NYAP2: variants seen among roughly 807,000 people sequenced by gnomAD.
The protein encoded by NYAP2 is neuronal tyrosine-phosphorylated phosphoinositide-3-kinase adapter 2.
NYAP2 carries 23 observed loss-of-function variants against 50.4 expected under a neutral mutation model. That is an observed-to-expected ratio of 0.46 (90% CI 0.33 to 0.65). The LOEUF (loss-of-function observed/expected upper bound fraction) is 0.65, where lower values mean the gene tolerates loss of function less well. Ranked by LOEUF, NYAP2 falls within the 30% of genes least tolerant of loss-of-function variation. The probability of loss-of-function intolerance (pLI) is 0.02; values close to 1 mark genes in which losing one functional copy is unlikely to be tolerated. For missense variants in NYAP2, 885 were observed against 861.0 expected, an observed-to-expected ratio of 1.03 and a Z score of -0.35; for synonymous variants, 394 against 365.2, an observed-to-expected ratio of 1.08 and a Z score of -0.90.
intron 3 of NYAP2, among the ~76,000 whole-genome samples, chr2:225,416,684 C>T (rs2106124096): frequency 6.6e-6 from 1 of 152,256 alleles, no homozygotes; most frequent in South Asian, 2.1e-4. Flanking sequence ...TTCTCACGTA[C>T]CTTTCAAGAG....
At chr2:225,513,598 A>T in exon 4 of NYAP2, 1 of 1,582,516 alleles carries the variant, frequency 6.3e-7, no homozygotes, top group African/African-American at 1.3e-5. Context: ...CCCAGCACCA[A>T]GCTGAGCACC....
At chr2:225,690,554 A>C in the NYAP2 span, among the ~76,000 whole-genome samples, 1 of 152,086 alleles carries the variant, frequency 6.6e-6, no homozygotes, top group African/African-American at 2.4e-5. Flanking sequence ...GTAACACATC[A>C]CAGGCAACTA....
chr2:225,640,259 T>C (rs761192656), intron 6 of NYAP2, among the ~76,000 whole-genome samples: 10 of 152,302 alleles, frequency 6.6e-5, no homozygotes, highest in South Asian at 6.2e-4. Flanking sequence ...CTATACCTAA[T>C]TGAGAGGTGT....
At chr2:225,552,791 A>C (rs1190165484) in intron 4 of NYAP2, among the ~76,000 whole-genome samples, 1 of 152,176 alleles carries the variant, frequency 6.6e-6, no homozygotes, top group African/African-American at 2.4e-5. Context: ...TGCAGATTCA[A>C]GTGATTCTTC....
At chr2:225,691,389 C>T in the NYAP2 span, among the ~76,000 whole-genome samples, 27 of 152,080 alleles carry the variant, frequency 1.8e-4, no homozygotes, top group Non-Finnish European at 3.1e-4. Flanking sequence ...ATGAAATACA[C>T]TTCATTTTAG....
At chr2:225,595,407 C>T (rs1692579011) in intron 5 of NYAP2, among the ~76,000 whole-genome samples, 1 of 152,176 alleles carries the variant, frequency 6.6e-6, no homozygotes. Context: ...ACAGAATGAT[C>T]AGAGCTGAAA....
intron 5 of NYAP2, among the ~76,000 whole-genome samples, chr2:225,591,919 T>G (rs1034383118): frequency 6.6e-6 from 1 of 152,140 alleles, no homozygotes; most frequent in Non-Finnish European, 1.5e-5. Flanking sequence ...GGGAAATCTT[T>G]TGGGCACCCT....
intron 3 of NYAP2, among the ~76,000 whole-genome samples, chr2:225,469,652 A>G (rs4674994): frequency 0.45 from 68,499 of 152,176 alleles, 19,582 homozygotes; most frequent in African/African-American, 0.81. Flanking sequence ...CATATACACC[A>G]TGGAATACTA....
chr2:225,678,671 G>A, the NYAP2 span, among the ~76,000 whole-genome samples: 2 of 152,036 alleles, frequency 1.3e-5, no homozygotes, highest in Non-Finnish European at 1.5e-5. Context: ...TTTCTTGGAC[G>A]TTACATATAC....
intron 3 of NYAP2, among the ~76,000 whole-genome samples, chr2:225,504,735 C>T (rs1441710644): frequency 6.6e-6 from 1 of 152,016 alleles, no homozygotes; most frequent in African/African-American, 2.4e-5. Flanking sequence ...TTAGGCCAGG[C>T]ACGGTGGCTC....
chr2:225,417,696 A>C (rs554425358), intron 3 of NYAP2, among the ~76,000 whole-genome samples: 55 of 152,312 alleles, frequency 3.6e-4, no homozygotes, highest in African/African-American at 1.3e-3. Flanking sequence ...TGAATAAAAA[A>C]TGAAGTGGTT....
chr2:225,399,966 C>A (rs935696373), exon 1 of NYAP2: 3 of 152,066 alleles, frequency 2.0e-5, no homozygotes, highest in African/African-American at 7.2e-5. Flanking sequence ...TCTTTACCCT[C>A]TTTTCCTTTT....
chr2:225,649,011 T>C (rs914885618), intron 6 of NYAP2, among the ~76,000 whole-genome samples: 2 of 152,162 alleles, frequency 1.3e-5, no homozygotes, highest in Non-Finnish European at 2.9e-5. Flanking sequence ...AGAGTCATTT[T>C]CCAGAAAGAG....
At chr2:225,675,084 A>AT in the NYAP2 span, among the ~76,000 whole-genome samples, 5,269 of 152,156 alleles carry the variant, frequency 0.035, 126 homozygotes, top group Middle Eastern at 0.048. Flanking sequence ...CATATTAGTG[A>AT]TTTTTTCACA....
intron 4 of NYAP2, among the ~76,000 whole-genome samples, chr2:225,522,983 A>G (rs1691092829): frequency 1.3e-5 from 2 of 152,144 alleles, no homozygotes; most frequent in African/African-American, 4.8e-5. Flanking sequence ...TTCCAGTGTA[A>G]AATTTTAGAA....
intron 3 of NYAP2, among the ~76,000 whole-genome samples, chr2:225,429,259 A>G (rs149685993): frequency 1.4e-4 from 22 of 152,348 alleles, no homozygotes; most frequent in African/African-American, 4.3e-4. Flanking sequence ...GCAGACCACA[A>G]AAGAAACCAC....
At chr2:225,472,359 A>T (rs1265330223) in intron 3 of NYAP2, among the ~76,000 whole-genome samples, 1 of 152,198 alleles carries the variant, frequency 6.6e-6, no homozygotes, top group African/African-American at 2.4e-5. Flanking sequence ...GAAGGGGTAG[A>T]CAGGGAAAAG....
At chr2:225,532,981 A>G (rs1055743609) in intron 4 of NYAP2, among the ~76,000 whole-genome samples, 2 of 152,142 alleles carry the variant, frequency 1.3e-5, no homozygotes, top group African/African-American at 2.4e-5. Flanking sequence ...TCTCTCCCTT[A>G]AAAGTCATGA....
the NYAP2 span, among the ~76,000 whole-genome samples, chr2:225,688,289 T>C: frequency 6.6e-6 from 1 of 152,180 alleles, no homozygotes; most frequent in East Asian, 1.9e-4. Context: ...ATTTGAGGTA[T>C]TGTTGGATTC....
Sources: allele counts gnomAD v4.1 joint callset (sites outside exome capture counted in the v4.1 genomes callset), GRCh38; gene constraint gnomAD v4.1.1; transcripts MANE v1.5; gene names NCBI Gene and HGNC (gene_info 2026-07-23, HGNC 2026-07-21).